RPIA: variants seen among roughly 807,000 people sequenced by gnomAD.
RPIA encodes ribose 5-phosphate isomerase A, also known as ribose-5-phosphate isomerase.
RPIA carries 29 observed loss-of-function variants against 37.8 expected under a neutral mutation model. The observed-to-expected ratio is 0.77, with a 90% CI of 0.57 to 1.05. The LOEUF is 1.05. RPIA is among the 50% of genes least tolerant of loss of function. The pLI, the probability that RPIA is intolerant of heterozygous loss-of-function variation, is 0.00. For missense variants in RPIA, 385 were observed against 413.6 expected (o/e 0.93, Z 0.60); for synonymous variants, 167 against 157.0 (o/e 1.06, Z -0.48).
intron 8 of RPIA, among the ~76,000 whole-genome samples, chr2:88,738,839 G>T: frequency 6.6e-6 from 1 of 152,276 alleles, no homozygotes; most frequent in Non-Finnish European, 1.5e-5. Flanking sequence ...GCTGAGAAAG[G>T]TTAAGCCATT....
At chr2:88,743,889 T>G (rs1673410473) in intron 8 of RPIA, among the ~76,000 whole-genome samples, 1 of 152,220 alleles carries the variant, frequency 6.6e-6, no homozygotes, top group Admixed American at 6.5e-5. Context: ...TTGAGCTTAT[T>G]TGGATCTTCT....
intron 3 of RPIA, among the ~76,000 whole-genome samples, chr2:88,726,497 T>A (rs1433489566): frequency 6.6e-6 from 1 of 152,124 alleles, no homozygotes; most frequent in African/African-American, 2.4e-5. Flanking sequence ...GTATATTCAT[T>A]TGTATAAGAA....
At chr2:88,727,084 C>T (rs903388768) in intron 3 of RPIA, among the ~76,000 whole-genome samples, 9 of 151,852 alleles carry the variant, frequency 5.9e-5, no homozygotes, top group South Asian at 2.1e-4. Context: ...TGTGTGCGTG[C>T]GTGTGTGTGT....
rs1321648983 is a variant in RPIA, at chr2:88,691,807, C to G, written c.109C>G (p.Pro37Ala). ...SGGGGNSWDL[P>A]GSHVRLPGRA... is the part of the protein sequence containing the mutation. ...CGGAGGAGGGAACAGCTGGGACCTCCCGGGTTCCCACGTGCGGCTGCCGGG... is the reference window on the plus strand; with the variant it reads ...CGGAGGAGGGAACAGCTGGGACCTCGCGGGTTCCCACGTGCGGCTGCCGGG... The change falls in exon 1 of 9, where the codon CCG becomes GCG. Residue 37 changes from proline (P) to alanine (A), a missense_variant. Physicochemically the swap from Pro to Ala is conservative, Grantham distance 27. This residue lies in a region of RPIA where 232 missense variants were observed against 203.0 expected (regional missense o/e 1.14). Coordinates refer to ENST00000283646, the MANE Select transcript of RPIA (RefSeq NM_144563.3). The G allele has an allele frequency of 1.2e-5, 19 of 1,595,652 alleles. No homozygotes were observed. The highest frequency in any genetic ancestry group is 1.6e-5 in the Non-Finnish European group (19 of 1,173,380).
At chr2:88,743,321 T>G (rs1180830867) in intron 8 of RPIA, among the ~76,000 whole-genome samples, 1 of 152,202 alleles carries the variant, frequency 6.6e-6, no homozygotes, top group Non-Finnish European at 1.5e-5. Flanking sequence ...TTAGATTGTT[T>G]ATGTGGTGTG....
chr2:88,699,480 G>A (rs1672802194), intron 2 of RPIA, among the ~76,000 whole-genome samples: 1 of 151,494 alleles, frequency 6.6e-6, no homozygotes, highest in Admixed American at 6.6e-5. Flanking sequence ...GCTACTCTCT[G>A]GGGCCTACAA....
chr2:88,730,328 A>G (rs1673250193), intron 4 of RPIA, among the ~76,000 whole-genome samples: 2 of 104,090 alleles, frequency 1.9e-5, no homozygotes, highest in South Asian at 3.1e-4. Context: ...AATCCTCAAT[A>G]AAATACTGGC....
intron 3 of RPIA, 104 bp downstream of exon 3, chr2:88,700,168 G>C: frequency 9.5e-7 from 1 of 1,054,692 alleles, no homozygotes. Flanking sequence ...GGTTGTTCTA[G>C]GTCAGAGAGT....
At chr2:88,741,106 G>A (rs2104142510) in intron 8 of RPIA, among the ~76,000 whole-genome samples, 1 of 152,052 alleles carries the variant, frequency 6.6e-6, no homozygotes, top group Admixed American at 6.5e-5. Context: ...GTGATGTTTG[G>A]CTACATGGAT....
intron 3 of RPIA, among the ~76,000 whole-genome samples, chr2:88,708,501 A>G (rs986915973): frequency 5.3e-5 from 8 of 152,246 alleles, no homozygotes; most frequent in Non-Finnish European, 1.2e-4. Context: ...TCCAAGGAGT[A>G]CACCGTAAAA....
chr2:88,716,653 C>G (rs564485221), intron 3 of RPIA, among the ~76,000 whole-genome samples: 35 of 152,278 alleles, frequency 2.3e-4, no homozygotes, highest in Admixed American at 2.2e-3. Context: ...TTCACAGGGC[C>G]TTTTAAAATT....
intron 3 of RPIA, among the ~76,000 whole-genome samples, chr2:88,718,367 A>T (rs1213331180): frequency 1.3e-5 from 2 of 152,180 alleles, no homozygotes; most frequent in Non-Finnish European, 2.9e-5. Context: ...AGGCTTTTAA[A>T]TTGGCTTTGA....
chr2:88,729,281 C>T lies in RPIA; in HGVS notation c.406C>T (p.Arg136Cys), dbSNP rs375132883. ...LVCIPTSFQA[R>C]QLILQYGLTL... ...TGCTCTTCCCTGTCCTCCGCAGGCC[C>T]GCCAGCTCATCCTGCAGTATGGCTT... The change falls in exon 4 of 9, where the codon CGC becomes TGC. Residue 136 changes from arginine to cysteine, a missense_variant. Arg to Cys is a radical substitution (Grantham distance 180). Coordinates refer to ENST00000283646, the MANE Select transcript of RPIA (RefSeq NM_144563.3). The T allele has an allele frequency of 2.4e-5, 39 of 1,614,134 alleles. No individual in the cohort carries two copies. Among genetic ancestry groups the T allele is most frequent in the Non-Finnish European group, 2.9e-5 (34 of 1,180,008 alleles).
In RPIA at chr2:88,742,822, G is replaced by A. The variant is rs145931146; in HGVS notation, c.838+4746G>A. On this transcript the variant is annotated intron_variant, in intron 8 of 8. Transcript: ENST00000283646. ...TTGCAGTTGTCATAAAAGGGGTTGA[G>A]TTCTTGATTTGATTCTCTACATGGT... is the stretch of plus-strand genomic sequence containing the variant. 1.6e-3 allele frequency among the ~76,000 whole-genome samples: 242 copies of A among 152,148 alleles called. 1 individual carries two copies. The highest frequency in any genetic ancestry group is 5.4e-3 in the African/African-American group (222 of 41,486).
chr2:88,729,088 A>G (rs1673233386), intron 3 of RPIA, among the ~76,000 whole-genome samples, 190 bp from the exon 4 acceptor site: 1 of 152,172 alleles, frequency 6.6e-6, no homozygotes, highest in South Asian at 2.1e-4. Context: ...GCCTTTTCCC[A>G]GCTCCCAGGT....
intron 3 of RPIA, among the ~76,000 whole-genome samples, chr2:88,706,557 G>T (rs796741622): frequency 7.9e-5 from 12 of 151,982 alleles, no homozygotes; most frequent in African/African-American, 2.7e-4. Flanking sequence ...CTGTCTGGGG[G>T]GTGTGGGGGG....
At chr2:88,701,255 T>C (rs1305556459) in intron 3 of RPIA, among the ~76,000 whole-genome samples, 1 of 151,756 alleles carries the variant, frequency 6.6e-6, no homozygotes, top group Non-Finnish European at 1.5e-5. Flanking sequence ...TATAGCTTTT[T>C]TTTTTTTTTT....
chr2:88,733,186 A>G (rs1168155276), intron 4 of RPIA, among the ~76,000 whole-genome samples: 7 of 152,194 alleles, frequency 4.6e-5, no homozygotes, highest in Non-Finnish European at 1.0e-4. Context: ...CGGGAACCAC[A>G]GGAACAGCTC....
intron 3 of RPIA, among the ~76,000 whole-genome samples, chr2:88,714,621 C>T (rs1052693223): frequency 6.6e-6 from 1 of 152,160 alleles, no homozygotes; most frequent in Non-Finnish European, 1.5e-5. Flanking sequence ...GAGAAGGCTG[C>T]CCCATTTCTT....
Sources: gnomAD v4.1 joint callset for allele counts (sites outside exome capture counted in the v4.1 genomes callset) on GRCh38, gnomAD v4.1.1 for gene constraint, gnomAD v4.1.1 regional missense constraint, MANE v1.5 for transcripts, NCBI Gene and HGNC (gene_info 2026-07-23, HGNC 2026-07-21) for gene names.